Variants in SHISA6 observed in about 807,000 individuals in gnomAD.
The protein encoded by SHISA6 is protein shisa-6.
In SHISA6, 22 loss-of-function variants were observed where a neutral mutation model predicts 47.9. The ratio of observed to expected loss-of-function variants is 0.46; its 90% CI spans 0.33 to 0.66. The LOEUF (loss-of-function observed/expected upper bound fraction) is 0.66. Among genes scored for constraint, SHISA6 ranks in the 30% least tolerant of loss-of-function variants. SHISA6 has a pLI of 0.02. For synonymous variants in SHISA6, 388 were observed against 337.8 expected (o/e 1.15, Z -1.63); for missense variants, 680 against 764.6 (o/e 0.89, Z 1.30).
rs149292806 is a variant in SHISA6 at position 11,454,450 on chromosome 17, C to G, written c.895+74941C>G. Among the ~76,000 whole-genome samples the G allele has an allele frequency of 3.3e-5, 5 of 152,326 alleles. No individual in the cohort carries two copies. In the East Asian group the frequency reaches 9.7e-4, roughly 29 times the overall value. ...TCAGATAACTCCTTACTTCAAGCCT[C>G]CCATTGACATCCCATTGTACTTGGC... On this transcript the variant is annotated intron_variant, in intron 3 of 5. Transcript: ENST00000441885.
intron 2 of SHISA6, among the ~76,000 whole-genome samples, chr17:11,343,919 C>T (rs1418725076): frequency 6.6e-6 from 1 of 152,226 alleles, no homozygotes; most frequent in East Asian, 1.9e-4. Context: ...GAACTCCTGA[C>T]TTCAAGTGGT....
chr17:11,332,344 C>T (rs1474166514), intron 2 of SHISA6, among the ~76,000 whole-genome samples: 1 of 152,100 alleles, frequency 6.6e-6, no homozygotes, highest in African/African-American at 2.4e-5. Context: ...TGCTACCCTG[C>T]GTACCATAGA....
At chr17:11,386,672 G>A (rs1466556111) in intron 3 of SHISA6, among the ~76,000 whole-genome samples, 1 of 152,196 alleles carries the variant, frequency 6.6e-6, no homozygotes, top group Admixed American at 6.5e-5. Flanking sequence ...AACATTCTTG[G>A]TAAGTGAAAG....
At chr17:11,370,985 T>G (rs911456945) in intron 2 of SHISA6, among the ~76,000 whole-genome samples, 1 of 152,138 alleles carries the variant, frequency 6.6e-6, no homozygotes, top group African/African-American at 2.4e-5. Flanking sequence ...ATCTTTGGGG[T>G]GCCCAGAGTA....
chr17:11,262,684 A>AG (rs1908275832), intron 1 of SHISA6, among the ~76,000 whole-genome samples: 1 of 152,178 alleles, frequency 6.6e-6, no homozygotes, highest in East Asian at 1.9e-4. Context: ...GACCTCTTGC[A>AG]GGGGGGCGGG....
intron 2 of SHISA6, chr17:11,289,528 T>C (rs1279048971): frequency 1.3e-5 from 2 of 148,628 alleles, no homozygotes; most frequent in Non-Finnish European, 3.0e-5. Context: ...GGAGCTTACA[T>C]GTGAAATTGC....
chr17:11,241,385 C>T lies in SHISA6; in HGVS notation c.-38C>T, dbSNP rs981236480. ...CCGGCCCGCCGGGGGAGCGGCCTGC[C>T]GCGGAAGCCTCCCCGCGCCCTCCCG... On this transcript the variant is annotated 5_prime_UTR_variant, in exon 1 of 6. Transcript: ENST00000441885. This position sits in a 1 kb window ranked among gnomAD's most constrained non-coding sequence, Gnocchi z 5.5. 1.0e-4 allele frequency: 107 copies of T among 1,057,434 alleles called. No homozygotes were observed. Among genetic ancestry groups the T allele is most frequent in the Non-Finnish European group, 1.2e-4 (103 of 879,054 alleles). 65.5% of individuals were successfully genotyped at this position (1,057,434 alleles called of 1,614,324 possible).
intron 2 of SHISA6, among the ~76,000 whole-genome samples, chr17:11,274,109 G>A (rs943335124): frequency 6.6e-6 from 1 of 152,138 alleles, no homozygotes; most frequent in African/African-American, 2.4e-5. Context: ...TTAGGGCTTC[G>A]TCCTGCCTGG....
chr17:11,548,482 T>G (rs915184912), intron 3 of SHISA6, among the ~76,000 whole-genome samples: 1 of 151,156 alleles, frequency 6.6e-6, no homozygotes, highest in African/African-American at 2.4e-5. Flanking sequence ...GAAAATAGAA[T>G]CCAGTGTTGT....
intron 2 of SHISA6, among the ~76,000 whole-genome samples, chr17:11,372,173 G>A (rs1056066793): frequency 6.6e-6 from 1 of 152,164 alleles, no homozygotes; most frequent in Non-Finnish European, 1.5e-5. Context: ...CATCATGGAT[G>A]TTGGATTCCA....
intron 2 of SHISA6, chr17:11,290,741 G>A (rs1251913530): frequency 6.6e-6 from 1 of 152,006 alleles, no homozygotes; most frequent in Non-Finnish European, 1.5e-5. Flanking sequence ...ATTGTGTTTT[G>A]TATTTTCTTG....
chr17:11,354,389 A>G (rs1037739051), intron 2 of SHISA6, among the ~76,000 whole-genome samples: 4 of 151,798 alleles, frequency 2.6e-5, no homozygotes, highest in African/African-American at 9.7e-5. Context: ...CCTTCTACAC[A>G]CTCTGCCACC....
chr17:11,353,419 C>T (rs944716311), intron 2 of SHISA6, among the ~76,000 whole-genome samples: 15 of 150,918 alleles, frequency 9.9e-5, no homozygotes, highest in East Asian at 5.9e-4. Flanking sequence ...ATCACGCCAC[C>T]GCACTCCAGC....
At chr17:11,519,696 A>G (rs2071612995) in intron 3 of SHISA6, among the ~76,000 whole-genome samples, 1 of 152,178 alleles carries the variant, frequency 6.6e-6, no homozygotes, top group Non-Finnish European at 1.5e-5. Context: ...AGCTGTAAAT[A>G]CCTGCCCCCC....
intron 2 of SHISA6, among the ~76,000 whole-genome samples, chr17:11,368,603 G>A (rs931659380): frequency 2.0e-5 from 3 of 152,088 alleles, no homozygotes; most frequent in Admixed American, 1.3e-4. Flanking sequence ...ACTGTAAGGG[G>A]CACTGTGCTT....
At chr17:11,285,130 C>G (rs1202322005) in intron 2 of SHISA6, among the ~76,000 whole-genome samples, 1 of 152,232 alleles carries the variant, frequency 6.6e-6, no homozygotes, top group African/African-American at 2.4e-5. Context: ...CTTCTATACA[C>G]ACATGCACCC....
intron 2 of SHISA6, among the ~76,000 whole-genome samples, chr17:11,273,107 G>A (rs944989889): frequency 6.6e-5 from 10 of 152,194 alleles, no homozygotes; most frequent in Admixed American, 6.5e-4. Context: ...CTTGTAACAA[G>A]CCCATGAGGC....
At chr17:11,334,557 T>C (rs905808678) in intron 2 of SHISA6, among the ~76,000 whole-genome samples, 1 of 152,146 alleles carries the variant, frequency 6.6e-6, no homozygotes, top group African/African-American at 2.4e-5. Flanking sequence ...GACATGCATG[T>C]CCAGGTTTTA....
At chr17:11,242,828 C>T (rs1907422822) in intron 1 of SHISA6, among the ~76,000 whole-genome samples, 1 of 152,148 alleles carries the variant, frequency 6.6e-6, no homozygotes, top group Non-Finnish European at 1.5e-5. Flanking sequence ...TATGGCAGTC[C>T]CTGGTTGCAC....
Sources: allele counts gnomAD v4.1 joint callset (sites outside exome capture counted in the v4.1 genomes callset), GRCh38; gene constraint gnomAD v4.1.1; non-coding constraint Gnocchi (gnomAD v3.1); transcripts MANE v1.5; gene names NCBI Gene and HGNC (gene_info 2026-07-23, HGNC 2026-07-21).